Variants in PDE4D observed in about 807,000 individuals in gnomAD.
PDE4D encodes the protein phosphodiesterase 4D, also known as 3',5'-cyclic-AMP phosphodiesterase 4D.
Under a neutral mutation model 87.4 loss-of-function variants are expected in PDE4D, and 24 were observed. The ratio of observed to expected loss-of-function variants is 0.27; its 90% CI spans 0.20 to 0.39. PDE4D has a LOEUF of 0.39. PDE4D is among the 10% of genes least tolerant of loss of function. The pLI is 1.00. For missense variants in PDE4D, 714 were observed against 1,041.0 expected (o/e 0.69, Z 4.32); for synonymous variants, 384 against 383.2 (o/e 1.00, Z -0.02).
chr5:59,009,581 G>T (rs34688238), intron 6 of PDE4D, among the ~76,000 whole-genome samples: 1 of 152,008 alleles, frequency 6.6e-6, no homozygotes, highest in Admixed American at 6.6e-5. Context: ...AGCACTGGAC[G>T]TGGGGTTTGG....
At chr5:59,757,405 A>G (rs1244212748) in intron 1 of PDE4D, among the ~76,000 whole-genome samples, 1 of 152,234 alleles carries the variant, frequency 6.6e-6, no homozygotes, top group Non-Finnish European at 1.5e-5. Context: ...CTGAGAAGAA[A>G]GACAACAATA....
At chr5:59,542,833 C>T (rs907153418) in intron 1 of PDE4D, among the ~76,000 whole-genome samples, 3 of 152,076 alleles carry the variant, frequency 2.0e-5, no homozygotes, top group African/African-American at 7.2e-5. Flanking sequence ...AGGCAGACTA[C>T]AATATTTCCT....
chr5:60,456,903 T>A (rs1746510989), intron 1 of PDE4D, among the ~76,000 whole-genome samples: 1 of 152,178 alleles, frequency 6.6e-6, no homozygotes, highest in Non-Finnish European at 1.5e-5. Context: ...ACCACCTGAT[T>A]TTTTTTCTTG....
chr5:59,172,707 C>A (rs1256014427), intron 5 of PDE4D: 1 of 151,254 alleles, frequency 6.6e-6, no homozygotes, highest in African/African-American at 2.4e-5. Flanking sequence ...GGCCCTATTT[C>A]TAAAAATTAA....
chr5:59,404,230 A>C (rs944771105), intron 1 of PDE4D, among the ~76,000 whole-genome samples: 1 of 152,058 alleles, frequency 6.6e-6, no homozygotes, highest in African/African-American at 2.4e-5. Flanking sequence ...GTTTGCTAAT[A>C]TTTTCTCCCA....
chr5:59,713,794 G>A (rs1003820662), intron 1 of PDE4D, among the ~76,000 whole-genome samples: 2 of 152,160 alleles, frequency 1.3e-5, no homozygotes, highest in African/African-American at 4.8e-5. Context: ...GAGAAGGAAT[G>A]AGCCTTTGAC....
intron 1 of PDE4D, among the ~76,000 whole-genome samples, chr5:59,243,395 A>T (rs1758073486): frequency 6.7e-6 from 1 of 148,726 alleles, no homozygotes; most frequent in African/African-American, 2.5e-5. Flanking sequence ...AAATATATAA[A>T]TGTTTTCCCT....
chr5:59,342,198 T>C (rs76248500), intron 1 of PDE4D, among the ~76,000 whole-genome samples: 384 of 152,324 alleles, frequency 2.5e-3, no homozygotes, highest in African/African-American at 8.6e-3. Flanking sequence ...ATTTTACATA[T>C]CTTTGAAGGT....
intron 1 of PDE4D, among the ~76,000 whole-genome samples, chr5:59,250,922 T>C (rs754037936): frequency 6.6e-6 from 1 of 152,072 alleles, no homozygotes; most frequent in African/African-American, 2.4e-5. Flanking sequence ...AGAAAAGCAA[T>C]GGAGAAAACA....
intron 12 of PDE4D, 42 bp from the exon 13 acceptor site, chr5:58,976,514 A>T: frequency 7.1e-7 from 1 of 1,408,498 alleles, no homozygotes; most frequent in Non-Finnish European, 9.8e-7. Context: ...AGAAAACAGA[A>T]TTTACACATG....
At chr5:59,003,034 T>G (rs1246948069) in intron 6 of PDE4D, among the ~76,000 whole-genome samples, 1 of 152,210 alleles carries the variant, frequency 6.6e-6, no homozygotes, top group Non-Finnish European at 1.5e-5. Context: ...TCATTTGTTT[T>G]TAAAATATAT....
chr5:59,068,801 A>C (rs1764314405), intron 5 of PDE4D, among the ~76,000 whole-genome samples: 2 of 152,328 alleles, frequency 1.3e-5, no homozygotes, highest in East Asian at 3.9e-4. Flanking sequence ...CAAGTCTTGT[A>C]AGTCTCAGTT....
chr5:60,168,580 C>T (rs1783139963), intron 2 of PDE4D, among the ~76,000 whole-genome samples: 1 of 152,292 alleles, frequency 6.6e-6, no homozygotes, highest in East Asian at 1.9e-4. Context: ...TTCACAACTT[C>T]CAGTGAATAC....
chr5:59,839,562 C>A (rs944516395), intron 1 of PDE4D, among the ~76,000 whole-genome samples: 1 of 151,958 alleles, frequency 6.6e-6, no homozygotes, highest in African/African-American at 2.4e-5. Flanking sequence ...CAATGACTGA[C>A]TGAACTTCAA....
chr5:60,433,889 C>G (rs76660967), intron 1 of PDE4D, among the ~76,000 whole-genome samples: 41 of 152,122 alleles, frequency 2.7e-4, no homozygotes, highest in Non-Finnish European at 5.3e-4. Context: ...ATGGACACAA[C>G]GAAGAGAAGG....
At chr5:59,817,745 C>CCG (rs1769150457) in intron 1 of PDE4D, among the ~76,000 whole-genome samples, 1 of 150,278 alleles carries the variant, frequency 6.7e-6, no homozygotes, top group South Asian at 2.1e-4. Flanking sequence ...CACCCACACC[C>CCG]CCCCCCACAC....
intron 1 of PDE4D, among the ~76,000 whole-genome samples, chr5:59,579,449 T>C (rs374206307): frequency 6.6e-6 from 1 of 152,332 alleles, no homozygotes; most frequent in African/African-American, 2.4e-5. Context: ...CAGATAATAC[T>C]AATATTCTTT....
chr5:59,514,847 A>G (rs1349723883), intron 1 of PDE4D, among the ~76,000 whole-genome samples: 1 of 152,234 alleles, frequency 6.6e-6, no homozygotes, highest in African/African-American at 2.4e-5. Flanking sequence ...AAGAGGGTAT[A>G]CACCTAATTC....
At chr5:60,140,839 T>A (rs1007285703) in intron 2 of PDE4D, among the ~76,000 whole-genome samples, 10 of 152,112 alleles carry the variant, frequency 6.6e-5, no homozygotes, top group Non-Finnish European at 1.3e-4. Context: ...TCGAGAATAG[T>A]TTAAAAATTA....
Sources: gnomAD v4.1 joint callset for allele counts (sites outside exome capture counted in the v4.1 genomes callset) on GRCh38, gnomAD v4.1.1 for gene constraint, MANE v1.5 for transcripts, NCBI Gene and HGNC (gene_info 2026-07-23, HGNC 2026-07-21) for gene names.